ERBB4: variants seen among roughly 807,000 people sequenced by gnomAD.
ERBB4 encodes the protein erb-b2 receptor tyrosine kinase 4.
A neutral mutation model predicts 158.0 loss-of-function variants in ERBB4; 42 were observed. The ratio of observed to expected loss-of-function variants is 0.27; its 90% CI spans 0.21 to 0.34. The LOEUF (loss-of-function observed/expected upper bound fraction) is 0.34. Among genes scored for constraint, ERBB4 ranks in the 10% least tolerant of loss-of-function variants. ERBB4 has a pLI of 1.00. For synonymous variants in ERBB4, 583 were observed against 558.7 expected, an observed-to-expected ratio of 1.04 and a Z score of -0.61; for missense variants, 1,333 against 1,624.1, an observed-to-expected ratio of 0.82 and a Z score of 3.08.
At chr2:211,693,333 A>G (rs1156500062) in intron 12 of ERBB4, among the ~76,000 whole-genome samples, 1 of 152,206 alleles carries the variant, frequency 6.6e-6, no homozygotes, top group Admixed American at 6.5e-5. Flanking sequence ...ATTACTGTAT[A>G]AACTATAATT....
intron 19 of ERBB4, among the ~76,000 whole-genome samples, chr2:211,581,062 G>A (rs533400005): frequency 4.6e-5 from 7 of 150,634 alleles, no homozygotes; most frequent in Non-Finnish European, 8.9e-5. Context: ...TGGAACCTAA[G>A]CTATGGGGAT....
At chr2:212,319,930 T>C (rs1402992285) in intron 1 of ERBB4, among the ~76,000 whole-genome samples, 3 of 150,258 alleles carry the variant, frequency 2.0e-5, no homozygotes, top group Admixed American at 6.6e-5. Context: ...TATACTCTCA[T>C]CTTTTCAAGA....
At chr2:212,420,592 A>G (rs1055844570) in intron 1 of ERBB4, among the ~76,000 whole-genome samples, 1 of 152,124 alleles carries the variant, frequency 6.6e-6, no homozygotes, top group African/African-American at 2.4e-5. Context: ...TTGTCTTTTC[A>G]GAAAAGGTTT....
intron 19 of ERBB4, among the ~76,000 whole-genome samples, chr2:211,595,801 G>A (rs1488374565): frequency 6.6e-6 from 1 of 152,146 alleles, no homozygotes; most frequent in African/African-American, 2.4e-5. Flanking sequence ...ATGCAGATAT[G>A]AAAGGGTCAA....
intron 1 of ERBB4, among the ~76,000 whole-genome samples, chr2:212,229,875 A>G (rs1488926670): frequency 2.0e-5 from 3 of 152,230 alleles, no homozygotes; most frequent in South Asian, 2.1e-4. Flanking sequence ...TGGCGGTCCT[A>G]TTAAAATGAT....
At chr2:212,307,171 A>G (rs2086840398) in intron 1 of ERBB4, among the ~76,000 whole-genome samples, 1 of 151,168 alleles carries the variant, frequency 6.6e-6, no homozygotes, top group Non-Finnish European at 1.5e-5. Context: ...TCAAAGCCTC[A>G]GTTTCCCCCT....
At chr2:211,758,466 G>A (rs1237668167) in intron 4 of ERBB4, among the ~76,000 whole-genome samples, 1 of 152,008 alleles carries the variant, frequency 6.6e-6, no homozygotes, top group African/African-American at 2.4e-5. Context: ...TCCAAACCAG[G>A]CACTTTTAAA....
At chr2:211,604,528 T>C (rs562290576) in intron 19 of ERBB4, among the ~76,000 whole-genome samples, 1 of 152,306 alleles carries the variant, frequency 6.6e-6, no homozygotes, top group East Asian at 1.9e-4. Flanking sequence ...TCAAATAGTT[T>C]AGGTGTATGC....
chr2:212,195,935 T>G (rs974544379), intron 1 of ERBB4, among the ~76,000 whole-genome samples: 7 of 152,094 alleles, frequency 4.6e-5, no homozygotes, highest in African/African-American at 1.7e-4. Context: ...TTCTTTTTAA[T>G]TTAAGATAGT....
chr2:212,361,961 T>C (rs1440706923), intron 1 of ERBB4, among the ~76,000 whole-genome samples: 4 of 151,612 alleles, frequency 2.6e-5, no homozygotes, highest in Non-Finnish European at 5.9e-5. Context: ...ATATGTAAAA[T>C]AGGTTATATC....
intron 1 of ERBB4, among the ~76,000 whole-genome samples, chr2:212,241,813 T>A (rs1284943167): frequency 6.6e-6 from 1 of 152,164 alleles, no homozygotes; most frequent in Non-Finnish European, 1.5e-5. Flanking sequence ...TAATCTTATT[T>A]TCATCATGTT....
intron 20 of ERBB4, among the ~76,000 whole-genome samples, chr2:211,539,126 A>G (rs1236739940): frequency 6.6e-6 from 1 of 151,976 alleles, no homozygotes; most frequent in Admixed American, 6.6e-5. Flanking sequence ...TGAATAACCT[A>G]TAACATTTTT....
At chr2:211,570,819 G>A (rs529988458) in intron 19 of ERBB4, among the ~76,000 whole-genome samples, 13 of 152,008 alleles carry the variant, frequency 8.6e-5, no homozygotes, top group African/African-American at 2.4e-4. Flanking sequence ...TTTGAGATCC[G>A]GTTTTTCTGC....
chr2:211,464,373 C>T (rs2064619821), intron 20 of ERBB4, among the ~76,000 whole-genome samples: 1 of 152,144 alleles, frequency 6.6e-6, no homozygotes. Context: ...GGGGTATTTT[C>T]CACATCAGCC....
chr2:212,520,246 G>C (rs950757225), intron 1 of ERBB4, among the ~76,000 whole-genome samples: 2 of 151,864 alleles, frequency 1.3e-5, no homozygotes, highest in African/African-American at 2.4e-5. Context: ...TTTAATTATA[G>C]TTTAATACTC....
At chr2:211,580,859 GCATATACATATATATATATATA>G (rs2068070218) in intron 19 of ERBB4, among the ~76,000 whole-genome samples, 1 of 66,078 alleles carries the variant, frequency 1.5e-5, no homozygotes, top group African/African-American at 6.9e-5. Context: ...TATATAGTAT[GCATATACATATATATATATATA>G]TATATATATA....
chr2:211,495,583 G>C (rs527931033), intron 20 of ERBB4, among the ~76,000 whole-genome samples: 2 of 151,866 alleles, frequency 1.3e-5, no homozygotes, highest in Non-Finnish European at 2.9e-5. Flanking sequence ...TCACTGTTAC[G>C]CCTTGTCTGA....
intron 1 of ERBB4, among the ~76,000 whole-genome samples, chr2:212,231,100 A>C (rs2083649575): frequency 6.6e-6 from 1 of 152,166 alleles, no homozygotes; most frequent in South Asian, 2.1e-4. Context: ...TAAATACCTT[A>C]TTTCAATGAT....
At chr2:212,217,604 A>G (rs976615417) in intron 1 of ERBB4, among the ~76,000 whole-genome samples, 26 of 151,262 alleles carry the variant, frequency 1.7e-4, no homozygotes, top group African/African-American at 6.0e-4. Context: ...AAGGAAAAAG[A>G]AGGAAACGGT....
Sources: gnomAD v4.1 joint callset for allele counts (sites outside exome capture counted in the v4.1 genomes callset) on GRCh38, gnomAD v4.1.1 for gene constraint, MANE v1.5 for transcripts, NCBI Gene and HGNC (gene_info 2026-07-23, HGNC 2026-07-21) for gene names.